ROBO2: variants seen among roughly 807,000 people sequenced by gnomAD.
ROBO2 encodes roundabout homolog 2.
A neutral mutation model predicts 160.8 loss-of-function variants in ROBO2; 53 were observed. The observed-to-expected ratio is 0.33, with a 90% CI of 0.26 to 0.41. ROBO2 has a LOEUF of 0.41. ROBO2 is among the 10% of genes least tolerant of loss of function. The pLI, the probability that ROBO2 is intolerant of heterozygous loss-of-function variation, is 1.00. For synonymous variants in ROBO2, 664 were observed against 611.7 expected (o/e 1.09, Z -1.26); for missense variants, 1,577 against 1,722.4 (o/e 0.92, Z 1.49).
intron 2 of ROBO2, among the ~76,000 whole-genome samples, chr3:76,403,202 TGAC>T (rs1296130818): frequency 2.0e-5 from 3 of 151,612 alleles, no homozygotes; most frequent in African/African-American, 7.3e-5. Flanking sequence ...TGTTCAGACT[TGAC>T]TACATCAGAT....
At chr3:77,164,942 G>T (rs1419621878) in intron 2 of ROBO2, among the ~76,000 whole-genome samples, 1 of 50,372 alleles carries the variant, frequency 2.0e-5, no homozygotes, top group African/African-American at 5.8e-5. Flanking sequence ...AGGTGGGGGC[G>T]GTCAGCCCCC....
intron 2 of ROBO2, among the ~76,000 whole-genome samples, chr3:77,197,389 G>A (rs994220764): frequency 6.6e-6 from 1 of 152,228 alleles, no homozygotes; most frequent in Non-Finnish European, 1.5e-5. Context: ...CTGGGTCCAT[G>A]AGGCACACTG....
intron 2 of ROBO2, among the ~76,000 whole-genome samples, chr3:76,175,744 G>T (rs1274055462): frequency 6.6e-6 from 1 of 152,030 alleles, no homozygotes; most frequent in Non-Finnish European, 1.5e-5. Context: ...TGTATTTATT[G>T]AAAACTTCTA....
chr3:76,096,333 G>A (rs1399062497), intron 2 of ROBO2, among the ~76,000 whole-genome samples: 1 of 152,014 alleles, frequency 6.6e-6, no homozygotes, highest in Non-Finnish European at 1.5e-5. Flanking sequence ...CAGAAGAAAA[G>A]CACTTTAAAA....
At chr3:77,340,237 C>A (rs2066921657) in intron 2 of ROBO2, among the ~76,000 whole-genome samples, 1 of 152,012 alleles carries the variant, frequency 6.6e-6, no homozygotes, top group African/African-American at 2.4e-5. Flanking sequence ...AATAATGCCT[C>A]CAGTTGGGTT....
At chr3:77,088,479 T>G (rs1486901721) in intron 1 of ROBO2, among the ~76,000 whole-genome samples, 1 of 152,224 alleles carries the variant, frequency 6.6e-6, no homozygotes, top group African/African-American at 2.4e-5. Context: ...GATGATTTGC[T>G]GCACCTGTCA....
rs886058872 is a variant in ROBO2 at position 77,040,215 on chromosome 3, C to G, written c.-571C>G. On this transcript the variant is annotated 5_prime_UTR_variant, in exon 1 of 26. Transcript: ENST00000461745. ...GCAAAGGAGAGGCCCGCCAAGTCTG[C>G]CCGCCTGCAAAGTGTTGCTTTGACA... 8 of 986,428 alleles carry G rather than the reference C, an allele frequency of 8.1e-6. No individual in the cohort carries two copies. The highest frequency in any genetic ancestry group is 9.6e-6 in the Non-Finnish European group (8 of 830,830). 61.1% of individuals were successfully genotyped at this position (986,428 alleles called of 1,614,324 possible).
At chr3:76,387,678 A>C (rs1031937826) in intron 2 of ROBO2, among the ~76,000 whole-genome samples, 1 of 152,184 alleles carries the variant, frequency 6.6e-6, no homozygotes, top group Non-Finnish European at 1.5e-5. Context: ...ATGGGGATTT[A>C]AAAATTAAGC....
At position 76,331,188 on chromosome 3, in the gene ROBO2, A is replaced by G. The variant is rs111497158; in HGVS notation, c.109+393586A>G. 3.7e-4 allele frequency among the ~76,000 whole-genome samples: 56 copies of G among 152,330 alleles called. 1 individual carries two copies. The highest frequency in any genetic ancestry group is 1.1e-3 in the African/African-American group (45 of 41,576). On this transcript the variant is annotated intron_variant, in intron 2 of 26. Coordinates refer to the ROBO2 transcript ENST00000487694. ...AAGCAAGTTTTCTAAGATTAAAGTT[A>G]GAATGTAGTTTTGTAACTTTTTTTC...
chr3:77,317,064 A>C, intron 2 of ROBO2: 1 of 1,461,294 alleles, frequency 6.8e-7, no homozygotes, highest in Non-Finnish European at 9.6e-7. Flanking sequence ...CAGTAGTGTG[A>C]AGCTGGAATT....
chr3:76,578,728 C>T (rs1172938485), intron 2 of ROBO2, among the ~76,000 whole-genome samples: 1 of 152,094 alleles, frequency 6.6e-6, no homozygotes, highest in Non-Finnish European at 1.5e-5. Context: ...AGCTGTCCAC[C>T]ATAGTGGATG....
chr3:76,506,818 G>A (rs1183523428), intron 2 of ROBO2, among the ~76,000 whole-genome samples: 2 of 152,130 alleles, frequency 1.3e-5, no homozygotes, highest in African/African-American at 4.8e-5. Context: ...ATGAATGAGT[G>A]AGTGAAGGTA....
intron 2 of ROBO2, among the ~76,000 whole-genome samples, chr3:76,919,355 A>T (rs2076525745): frequency 6.6e-6 from 1 of 152,216 alleles, no homozygotes; most frequent in Non-Finnish European, 1.5e-5. Flanking sequence ...CAATATTGAG[A>T]TAAATTTCTG....
At chr3:77,538,766 T>G (rs1273447632) in intron 6 of ROBO2, 1 of 361,294 alleles carries the variant, frequency 2.8e-6, no homozygotes, top group Non-Finnish European at 5.5e-6. Context: ...ACGTATCAAT[T>G]AGAACCCAAA....
intron 2 of ROBO2, among the ~76,000 whole-genome samples, chr3:76,214,714 T>G (rs925391894): frequency 1.3e-5 from 2 of 152,204 alleles, no homozygotes; most frequent in African/African-American, 4.8e-5. Flanking sequence ...CCTGCCTGCC[T>G]CTGTAGGCTC....
chr3:77,287,138 C>G (rs1004398076), intron 2 of ROBO2, among the ~76,000 whole-genome samples: 1 of 152,168 alleles, frequency 6.6e-6, no homozygotes, highest in Non-Finnish European at 1.5e-5. Context: ...ATCCCTTACG[C>G]TCTTGAAATA....
At chr3:76,985,477 G>A (rs1559801963) in intron 2 of ROBO2, among the ~76,000 whole-genome samples, 2 of 147,354 alleles carry the variant, frequency 1.4e-5, no homozygotes, top group South Asian at 4.3e-4. Flanking sequence ...AGCTACTCAG[G>A]AGGCTGAGGC....
chr3:76,914,211 T>G (rs1048370391), intron 2 of ROBO2, among the ~76,000 whole-genome samples: 1 of 152,220 alleles, frequency 6.6e-6, no homozygotes, highest in Non-Finnish European at 1.5e-5. Context: ...CTCAGTTGCA[T>G]GGAGAGGGTA....
intron 2 of ROBO2, among the ~76,000 whole-genome samples, chr3:76,333,996 G>A (rs2073688108): frequency 1.3e-5 from 2 of 152,164 alleles, no homozygotes; most frequent in Non-Finnish European, 1.5e-5. Context: ...CTCTTGTGGG[G>A]TGAGGGGAGC....
Sources: gnomAD v4.1 joint callset for allele counts (sites outside exome capture counted in the v4.1 genomes callset) on GRCh38, gnomAD v4.1.1 for gene constraint, MANE v1.5 for transcripts, NCBI Gene and HGNC (gene_info 2026-07-23, HGNC 2026-07-21) for gene names.